Variants in CNBD1 observed in about 807,000 individuals in gnomAD.
The protein encoded by CNBD1 is cyclic nucleotide binding domain containing 1, also known as cyclic nucleotide-binding domain-containing protein 1.
CNBD1 carries 71 observed loss-of-function variants against 54.4 expected under a neutral mutation model. The ratio of observed to expected loss-of-function variants is 1.30; its 90% CI spans 1.08 to 1.59. The LOEUF (loss-of-function observed/expected upper bound fraction) is 1.59, where lower values mean the gene tolerates loss of function less well. CNBD1 is among the 40% of genes most tolerant of loss of function. The pLI, the probability that CNBD1 is intolerant of heterozygous loss-of-function variation, is 0.00. For missense variants in CNBD1, 659 were observed against 518.0 expected (o/e 1.27, Z -2.64); for synonymous variants, 182 against 170.7 (o/e 1.07, Z -0.51).
intron 6 of CNBD1, among the ~76,000 whole-genome samples, chr8:87,278,890 C>A (rs1808535708): frequency 1.3e-5 from 2 of 151,302 alleles, no homozygotes; most frequent in Non-Finnish European, 3.0e-5. Flanking sequence ...TCAATCCTTG[C>A]CTTTCTGAGA....
At chr8:87,302,879 A>T (rs1259043891) in intron 8 of CNBD1, among the ~76,000 whole-genome samples, 1 of 152,096 alleles carries the variant, frequency 6.6e-6, no homozygotes, top group Non-Finnish European at 1.5e-5. Context: ...GTAAACTCCC[A>T]ATCACAATTG....
At chr8:87,383,959 A>G (rs887106828), downstream of CNBD1, among the ~76,000 whole-genome samples, 1 of 152,024 alleles carries the variant, frequency 6.6e-6, no homozygotes, top group African/African-American at 2.4e-5. Context: ...TCTAAATTTT[A>G]TTGTTTGCCA....
intron 4 of CNBD1, among the ~76,000 whole-genome samples, chr8:86,971,964 T>A (rs1043895838): frequency 1.3e-5 from 2 of 152,162 alleles, no homozygotes; most frequent in African/African-American, 4.8e-5. Context: ...TAGAACTTTT[T>A]TTTTTTGAGA....
intron 3 of CNBD1, among the ~76,000 whole-genome samples, chr8:86,931,659 A>T (rs1809460174): frequency 6.6e-6 from 1 of 151,870 alleles, no homozygotes; most frequent in South Asian, 2.1e-4. Context: ...CTTTGTCCCT[A>T]TTATAGAACA....
At chr8:86,941,544 A>G (rs183561230) in intron 4 of CNBD1, among the ~76,000 whole-genome samples, 5 of 152,304 alleles carry the variant, frequency 3.3e-5, no homozygotes, top group Admixed American at 3.3e-4. Context: ...ATAGTGAGAT[A>G]GCAGTTTCCA....
chr8:87,348,535 C>T (rs1186846885), intron 8 of CNBD1, among the ~76,000 whole-genome samples: 2 of 152,108 alleles, frequency 1.3e-5, no homozygotes, highest in African/African-American at 4.8e-5. Flanking sequence ...CTTTAGTAGT[C>T]TATCTTTACA....
chr8:86,922,833 G>T (rs1488186364), intron 3 of CNBD1, among the ~76,000 whole-genome samples: 5 of 152,066 alleles, frequency 3.3e-5, no homozygotes, highest in Non-Finnish European at 7.4e-5. Flanking sequence ...TAGAGTCACG[G>T]AGCAACCAGG....
At chr8:87,320,008 T>TG (rs1809485254) in intron 8 of CNBD1, among the ~76,000 whole-genome samples, 1 of 152,058 alleles carries the variant, frequency 6.6e-6, no homozygotes, top group Non-Finnish European at 1.5e-5. Flanking sequence ...TCCCCTAGCT[T>TG]GGAAACTTCT....
intron 4 of CNBD1, among the ~76,000 whole-genome samples, chr8:87,019,675 C>T (rs1183919137): frequency 2.0e-5 from 3 of 151,964 alleles, no homozygotes; most frequent in African/African-American, 4.8e-5. Context: ...GTCGGGAGTT[C>T]GAGACCAGCC....
At chr8:87,142,081 T>C (rs1812380940) in intron 4 of CNBD1, among the ~76,000 whole-genome samples, 1 of 152,188 alleles carries the variant, frequency 6.6e-6, no homozygotes, top group African/African-American at 2.4e-5. Flanking sequence ...GTTTATGAAT[T>C]TATTTGTCAA....
intron 4 of CNBD1, among the ~76,000 whole-genome samples, chr8:86,976,500 A>G (rs554255399): frequency 4.6e-5 from 7 of 151,964 alleles, no homozygotes; most frequent in African/African-American, 1.7e-4. Context: ...TTTCTCCAAG[A>G]TTGCTTTGGC....
intron 8 of CNBD1, 102 bp from the exon 9 acceptor site, chr8:87,351,583 A>G (rs932972779): frequency 1.0e-5 from 11 of 1,084,600 alleles, no homozygotes; most frequent in Non-Finnish European, 1.4e-5. Flanking sequence ...ACTTACTATT[A>G]ATAGTTATTG....
chr8:87,390,143 C>A (rs1267599074), intron 2 of CNBD1, among the ~76,000 whole-genome samples: 1 of 151,738 alleles, frequency 6.6e-6, no homozygotes, highest in Non-Finnish European at 1.5e-5. Flanking sequence ...ACCATAAAAA[C>A]CCTAGGAGAA....
intron 8 of CNBD1, among the ~76,000 whole-genome samples, chr8:87,321,703 C>A (rs1474502477): frequency 6.6e-6 from 1 of 151,878 alleles, no homozygotes. Flanking sequence ...GATATAATCT[C>A]ATTTGTCTAT....
chr8:87,166,397 A>G lies in CNBD1; in HGVS notation c.432-39596A>G, dbSNP rs1208728372. On this transcript the variant is annotated intron_variant, in intron 4 of 10. Coordinates refer to ENST00000518476, the MANE Select transcript of CNBD1 (RefSeq NM_173538.3). This position sits in a 1 kb window ranked among gnomAD's most constrained non-coding sequence, Gnocchi z 4.3. The stretch of plus-strand genomic sequence containing the variant: ...TCAATAGCCTCCTTGGCAGGTTTGT[A>G]TCTTCCACTACTTCTGCATGCCAGC... Among the ~76,000 whole-genome samples, 2 of 151,894 alleles carry G rather than the reference A, an allele frequency of 1.3e-5. No homozygotes were observed. Among genetic ancestry groups the G allele is most frequent in the Non-Finnish European group, 1.5e-5 (1 of 67,920 alleles).
intron 2 of CNBD1, among the ~76,000 whole-genome samples, chr8:86,892,943 A>G (rs1808795013): frequency 6.6e-6 from 1 of 152,154 alleles, no homozygotes; most frequent in African/African-American, 2.4e-5. Context: ...ATTTTTATGG[A>G]TATAAAGTTT....
At chr8:86,969,787 T>TAC (rs1352175539) in intron 4 of CNBD1, among the ~76,000 whole-genome samples, 3 of 35,548 alleles carry the variant, frequency 8.4e-5, no homozygotes, top group Non-Finnish European at 1.3e-4. Context: ...GTTTTATATA[T>TAC]ATATATACAC....
At chr8:87,393,977 C>T (rs906619299) in intron 2 of CNBD1, among the ~76,000 whole-genome samples, 2 of 151,702 alleles carry the variant, frequency 1.3e-5, no homozygotes, top group Non-Finnish European at 2.9e-5. Flanking sequence ...AATGCACTTA[C>T]TTGAGTAAAT....
At chr8:87,198,812 A>G (rs1338133545) in intron 4 of CNBD1, among the ~76,000 whole-genome samples, 3 of 152,238 alleles carry the variant, frequency 2.0e-5, no homozygotes, top group African/African-American at 7.2e-5. Flanking sequence ...CCAGTCTTGC[A>G]TTGCCATAAA....
Sources: allele counts gnomAD v4.1 joint callset (sites outside exome capture counted in the v4.1 genomes callset), GRCh38; gene constraint gnomAD v4.1.1; non-coding constraint Gnocchi (gnomAD v3.1); transcripts MANE v1.5; gene names NCBI Gene and HGNC (gene_info 2026-07-23, HGNC 2026-07-21).